The following TRAP1 variants were observed in gnomAD, a reference collection of about 807,000 sequenced individuals.
The protein encoded by TRAP1 is heat shock protein 75 kDa, mitochondrial.
A neutral mutation model predicts 89.1 loss-of-function variants in TRAP1; 102 were observed. The ratio of observed to expected loss-of-function variants is 1.15; its 90% CI spans 0.98 to 1.35. The LOEUF is 1.35. TRAP1 is among the 40% of genes most tolerant of loss of function. The pLI is 0.00. For missense variants in TRAP1, 1,256 were observed against 945.3 expected, an observed-to-expected ratio of 1.33 and a Z score of -4.31; for synonymous variants, 508 against 388.0, an observed-to-expected ratio of 1.31 and a Z score of -3.64.
rs2042823159 is a variant in TRAP1 at position 3,658,141 on chromosome 16, C to T, written c.2103G>A (p.Leu701=). The change falls in exon 18 of 18, where the codon CTG becomes CTA. Residue 701 remains leucine (L), a synonymous_variant. Transcript: ENST00000246957. Reference sequence around the variant, plus strand: ...GGCCCCCTGGCTGTCAGTGTCGCTCCAGGGCCTTGACAAGCAGCTCATTCA... The same window carrying T: ...GGCCCCCTGGCTGTCAGTGTCGCTCTAGGGCCTTGACAAGCAGCTCATTCA... ...GRLNELLVKA[L]ERH is the part of the protein sequence containing the mutation. 2.5e-6 allele frequency: 4 copies of T among 1,614,086 alleles called. No homozygotes were observed. Among genetic ancestry groups the T allele is most frequent in the East Asian group, 4.5e-5 (2 of 44,884 alleles).
chr16:3,659,510 T>C (rs1400162987), intron 16 of TRAP1: 1 of 152,168 alleles, frequency 6.6e-6, no homozygotes. Context: ...ATGATTGACA[T>C]ATTTGACGTC....
At chr16:3,675,436 T>C in intron 7 of TRAP1, 39 bp from the exon 8 acceptor site, 3 of 1,599,642 alleles carry the variant, frequency 1.9e-6, no homozygotes, top group African/African-American at 2.7e-5. Context: ...GCATCTACAA[T>C]GCTTGTGGAA....
intron 16 of TRAP1, chr16:3,659,301 G>GT (rs1369979184): frequency 1.9e-5 from 3 of 158,592 alleles, no homozygotes; most frequent in Non-Finnish European, 4.2e-5. Flanking sequence ...GATGAGGACA[G>GT]TATTTCACAG....
At chr16:3,674,186 G>T in intron 9 of TRAP1, 153 bp downstream of exon 9, 1 of 1,090,082 alleles carries the variant, frequency 9.2e-7, no homozygotes, top group Non-Finnish European at 1.3e-6. Context: ...CTCCCAAAGT[G>T]CTGGGATAAC....
chr16:3,676,154 G>A lies in TRAP1; in HGVS notation c.705-9C>T, dbSNP rs1419781417. On this transcript the variant is annotated splice_polypyrimidine_tract_variant and intron_variant, in intron 6 of 17. Transcript: ENST00000246957. ...TTTCAAACACTCCAGAACTAAGGCAGGCAAAGAAAGGAAAAGCCAGGTGGA... is the reference window on the plus strand; with the variant it reads ...TTTCAAACACTCCAGAACTAAGGCAAGCAAAGAAAGGAAAAGCCAGGTGGA... 4 of 1,611,104 alleles carry A rather than the reference G, an allele frequency of 2.5e-6. No homozygotes were observed. The highest frequency in any genetic ancestry group is 3.4e-6 in the Non-Finnish European group (4 of 1,178,096).
chr16:3,663,378 G>C, intron 14 of TRAP1, 46 bp downstream of exon 14: 1 of 1,611,426 alleles, frequency 6.2e-7, no homozygotes, highest in Non-Finnish European at 8.5e-7. Context: ...AGAGGCGTGC[G>C]GGGAGTGGAA....
chr16:3,660,300 AATTCTGAACT>A (rs1393292919), intron 16 of TRAP1: 2 of 152,224 alleles, frequency 1.3e-5, no homozygotes, highest in African/African-American at 4.8e-5. Context: ...AGCAGTTTTG[AATTCTGAACT>A]ATGTGGACAG....
At chr16:3,710,202 C>A (rs562817282) in intron 1 of TRAP1, among the ~76,000 whole-genome samples, 1 of 152,294 alleles carries the variant, frequency 6.6e-6, no homozygotes, top group Admixed American at 6.5e-5. Flanking sequence ...GGGCCTGAAG[C>A]CCTCACCCTG....
intron 1 of TRAP1, among the ~76,000 whole-genome samples, chr16:3,693,187 G>A (rs1371093734): frequency 1.3e-5 from 2 of 151,864 alleles, no homozygotes; most frequent in Non-Finnish European, 2.9e-5. Context: ...GACCTCAGGT[G>A]ATCCACCCAC....
At chr16:3,688,304 A>G (rs1175016774) in intron 3 of TRAP1, among the ~76,000 whole-genome samples, 1 of 151,878 alleles carries the variant, frequency 6.6e-6, no homozygotes, top group Non-Finnish European at 1.5e-5. Flanking sequence ...CCTGGCCCCA[A>G]ATGCGTTTTA....
At chr16:3,688,267 C>T (rs1596730221) in intron 3 of TRAP1, among the ~76,000 whole-genome samples, 3 of 152,130 alleles carry the variant, frequency 2.0e-5, no homozygotes, top group Admixed American at 2.0e-4. Flanking sequence ...TCCTAAAGTG[C>T]CGGGATTACA....
chr16:3,683,302 A>T (rs754803326), intron 4 of TRAP1, among the ~76,000 whole-genome samples: 21 of 152,098 alleles, frequency 1.4e-4, no homozygotes, highest in Non-Finnish European at 2.8e-4. Flanking sequence ...TGAGGTAAAA[A>T]CTAAGGAAAC....
At chr16:3,682,080 C>CA (rs1035132194) in intron 4 of TRAP1, among the ~76,000 whole-genome samples, 6 of 152,012 alleles carry the variant, frequency 3.9e-5, no homozygotes, top group African/African-American at 1.5e-4. Flanking sequence ...TGATTTTTGA[C>CA]AAAGATTCCA....
chr16:3,709,657 T>C (rs747947770), intron 1 of TRAP1, among the ~76,000 whole-genome samples: 1 of 147,500 alleles, frequency 6.8e-6, no homozygotes, highest in African/African-American at 2.7e-5. Context: ...CTTTTTTTTG[T>C]GTGTGTGTGT....
Position 3,658,077 on chromosome 16 carries a change from C to T in TRAP1, c.*52G>A. ...CCTTTAAATTTAGGTAAATAAAGCTCAAGGAGGTGGGGCTGTCATCTGTGG... is the reference window on the plus strand; with the variant it reads ...CCTTTAAATTTAGGTAAATAAAGCTTAAGGAGGTGGGGCTGTCATCTGTGG... On this transcript the variant is annotated 3_prime_UTR_variant, in exon 18 of 18. Transcript: ENST00000246957. The T allele has an allele frequency of 6.2e-7, 1 of 1,610,094 alleles. No individual in the cohort carries two copies. Among genetic ancestry groups the T allele is most frequent in the Non-Finnish European group, 8.5e-7 (1 of 1,177,200 alleles).
chr16:3,663,689 G>T, intron 13 of TRAP1, 127 bp from the exon 14 acceptor site: 1 of 1,220,056 alleles, frequency 8.2e-7, no homozygotes, highest in Non-Finnish European at 1.1e-6. Flanking sequence ...GGGGCAGTTG[G>T]GGTTCCTAGG....
chr16:3,698,612 C>T (rs1351060232), intron 1 of TRAP1, among the ~76,000 whole-genome samples: 1 of 150,980 alleles, frequency 6.6e-6, no homozygotes, highest in Non-Finnish European at 1.5e-5. Flanking sequence ...TCTACAACAA[C>T]TTTTAATCAC....
Position 3,677,500 on chromosome 16 carries a change from A to T in TRAP1, c.702T>A (p.Asp234Glu). Residue 234 changes from aspartate to glutamate, a missense_variant and splice_region_variant, in exon 6 of 18, where the codon GAT (aspartate) becomes GAA (glutamate). Transcript: ENST00000246957. ...GTCAGGCGACATTCGTCACTCACCCATCTGAAAGCCACTGGTAACCCAGGC... is the reference window on the plus strand; with the variant it reads ...GTCAGGCGACATTCGTCACTCACCCTTCTGAAAGCCACTGGTAACCCAGGC... ...PGSLGYQWLS[D>E]GSGVFEIAEA... 6.2e-7 allele frequency: 1 copy of T among 1,614,192 alleles called. No individual in the cohort carries two copies. The highest frequency in any genetic ancestry group is 8.5e-7 in the Non-Finnish European group (1 of 1,180,034).
chr16:3,662,294 G>C, intron 15 of TRAP1, 162 bp from the exon 16 acceptor site: 1 of 857,118 alleles, frequency 1.2e-6, no homozygotes, highest in Non-Finnish European at 1.8e-6. Context: ...CCACTAACTT[G>C]TGGGCCCTGA....
Sources: allele counts gnomAD v4.1 joint callset (sites outside exome capture counted in the v4.1 genomes callset), GRCh38; gene constraint gnomAD v4.1.1; transcripts MANE v1.5; gene names NCBI Gene and HGNC (gene_info 2026-07-23, HGNC 2026-07-21).